REEP1: variants seen among roughly 807,000 people sequenced by gnomAD.
The protein encoded by REEP1 is receptor expression-enhancing protein 1.
In REEP1, 22 loss-of-function variants were observed where a neutral mutation model predicts 40.3. The ratio of observed to expected loss-of-function variants is 0.55; its 90% confidence interval spans 0.39 to 0.78. REEP1 has a LOEUF of 0.78. Among genes scored for constraint, REEP1 ranks in the 30% least tolerant of loss-of-function variants. The pLI is 0.00. For missense variants in REEP1, 280 were observed against 361.1 expected (o/e 0.78, Z 1.82); for synonymous variants, 116 against 139.2 (o/e 0.83, Z 1.17).
At chr2:86,244,250 T>C (rs919003517) in intron 5 of REEP1, among the ~76,000 whole-genome samples, 2 of 152,192 alleles carry the variant, frequency 1.3e-5, no homozygotes, top group Non-Finnish European at 2.9e-5. Flanking sequence ...AGCAGTATTT[T>C]ATTCAAGCCA....
intron 8 of REEP1, among the ~76,000 whole-genome samples, chr2:86,217,607 T>C (rs915423807): frequency 6.6e-6 from 1 of 150,884 alleles, no homozygotes; most frequent in Non-Finnish European, 1.5e-5. Flanking sequence ...CACCTTGAAG[T>C]ACAGGTTGAA....
In REEP1 at chr2:86,232,796, C is replaced by A. The variant is rs864622642; in HGVS notation, c.424G>T (p.Gly142Cys). ...AAVMAASKGQ[G>C]ALSERLRSFS... The stretch of plus-strand genomic sequence containing the variant: ...CTCCGCAGTCTCTCCGATAAGGCAC[C>A]CTGTCCCTGGATACAACACAGGAGG... Residue 142 changes from glycine to cysteine, a missense_variant, in exon 6 of 9, where the codon GGT (glycine) becomes TGT (cysteine). Physicochemically the swap from Gly to Cys is radical, Grantham distance 159. Transcript: ENST00000538924. 6.2e-7 allele frequency: 1 copy of A among 1,600,910 alleles called. No homozygotes were observed. Among genetic ancestry groups the A allele is most frequent in the Non-Finnish European group, 8.5e-7 (1 of 1,179,904 alleles).
chr2:86,251,972 C>T lies in REEP1; in HGVS notation c.402G>A (p.Val134=), dbSNP rs1212836101. 6.2e-7 allele frequency: 1 copy of T among 1,613,238 alleles called. No individual in the cohort carries two copies. ...AGCACAGTACCTTGGAAGCAGCCAT[C>T]ACAGCCGCTGTGGCGGCCACGTTCA... ...RGLNVAATAA[V]MAASKGQGAL... Residue 134 remains valine (V), a synonymous_variant, in exon 5 of 9, where the codon GTG becomes GTA. Coordinates refer to ENST00000538924, the MANE Select transcript of REEP1 (RefSeq NM_001371279.1).
At chr2:86,230,266 A>G (rs967601673) in intron 6 of REEP1, among the ~76,000 whole-genome samples, 2 of 152,232 alleles carry the variant, frequency 1.3e-5, no homozygotes, top group Admixed American at 6.5e-5. Context: ...AGACACTGCC[A>G]TCTCCCTGCA....
At chr2:86,262,579 G>A (rs1295170429) in intron 3 of REEP1, among the ~76,000 whole-genome samples, 1 of 152,210 alleles carries the variant, frequency 6.6e-6, no homozygotes, top group Non-Finnish European at 1.5e-5. Flanking sequence ...CTCAAAACAG[G>A]ATTCAGAGAG....
rs369945261 is a variant in REEP1 at position 86,281,531 on chromosome 2, G to A, written c.105+639C>T. Among the ~76,000 whole-genome samples, 3 of 152,282 alleles carry A rather than the reference G, an allele frequency of 2.0e-5. No individual in the cohort carries two copies. The South Asian group carries it at 6.2e-4, about 32-fold the overall frequency. ...TAATCCAAGCTACTTGGGAGGCTGAGGCTGGAGAATCTCTTGAACCCGGGA... is the reference window on the plus strand; with the variant it reads ...TAATCCAAGCTACTTGGGAGGCTGAAGCTGGAGAATCTCTTGAACCCGGGA... On this transcript the variant is annotated intron_variant, in intron 2 of 8. Coordinates refer to ENST00000538924, the MANE Select transcript of REEP1 (RefSeq NM_001371279.1).
intron 1 of REEP1, among the ~76,000 whole-genome samples, chr2:86,289,422 T>C (rs1381967816): frequency 6.6e-6 from 1 of 152,224 alleles, no homozygotes; most frequent in Non-Finnish European, 1.5e-5. Flanking sequence ...ACCATAATAT[T>C]AACAACCATG....
chr2:86,295,715 G>A (rs1001400928), intron 1 of REEP1, among the ~76,000 whole-genome samples: 5 of 151,856 alleles, frequency 3.3e-5, no homozygotes, highest in African/African-American at 4.8e-5. Context: ...AATTTTTTGT[G>A]TTTTTAGTAG....
chr2:86,292,332 C>A (rs1380935481), intron 1 of REEP1, among the ~76,000 whole-genome samples: 1 of 152,164 alleles, frequency 6.6e-6, no homozygotes, highest in Non-Finnish European at 1.5e-5. Flanking sequence ...ACTGCAAATG[C>A]CAATTCTTTT....
At chr2:86,236,231 A>G (rs1364865087) in intron 5 of REEP1, among the ~76,000 whole-genome samples, 1 of 151,642 alleles carries the variant, frequency 6.6e-6, no homozygotes. Flanking sequence ...AAAAAAAAAA[A>G]TCAACATGCC....
chr2:86,247,890 T>C (rs138440230), intron 5 of REEP1, among the ~76,000 whole-genome samples: 30 of 152,164 alleles, frequency 2.0e-4, no homozygotes, highest in African/African-American at 7.0e-4. Context: ...ATTTATATAA[T>C]AATGTGGTTT....
intron 1 of REEP1, among the ~76,000 whole-genome samples, chr2:86,323,067 G>A (rs528703107): frequency 5.3e-5 from 8 of 152,178 alleles, no homozygotes; most frequent in African/African-American, 9.6e-5. Context: ...GCACAGTGGC[G>A]TACACCTGTG....
rs1674048468 is a variant in REEP1, at chr2:86,215,302, A to G, written c.*1737T>C. 6.6e-6 allele frequency: 1 copy of G among 152,174 alleles called. No homozygotes were observed. Among genetic ancestry groups the G allele is most frequent in the South Asian group, 2.1e-4 (1 of 4,828 alleles). The allele number at this position is 152,174 out of a possible 1,614,324, so 9.4% of individuals were successfully genotyped here. ...CAAATTACAAAATCACCTTCAGAGG[A>G]ACTATGGGTAGATGGGATTCCAATA... is the stretch of plus-strand genomic sequence containing the variant. On this transcript the variant is annotated 3_prime_UTR_variant, in exon 9 of 9. Transcript: ENST00000538924.
chr2:86,233,269 T>C (rs939671857), intron 5 of REEP1, among the ~76,000 whole-genome samples: 3 of 152,246 alleles, frequency 2.0e-5, no homozygotes, highest in African/African-American at 7.2e-5. Context: ...TTCTTATTAT[T>C]TTCAAAGGAC....
intron 1 of REEP1, among the ~76,000 whole-genome samples, chr2:86,313,470 A>T (rs572540057): frequency 6.6e-6 from 1 of 151,772 alleles, no homozygotes; most frequent in South Asian, 2.1e-4. Context: ...GAAGTTTGCT[A>T]CCTAGCTAGC....
chr2:86,321,695 CA>C (rs1680275715), intron 1 of REEP1, among the ~76,000 whole-genome samples: 1 of 152,052 alleles, frequency 6.6e-6, no homozygotes, highest in African/African-American at 2.4e-5. Context: ...GACTAAAGAC[CA>C]AAAAGAAATC....
intron 5 of REEP1, 137 bp from the exon 6 acceptor site, chr2:86,232,939 A>T: frequency 2.4e-6 from 2 of 850,314 alleles, no homozygotes; most frequent in South Asian, 2.9e-5. Context: ...AGGTGCCCAG[A>T]CATAGCTGCT....
At chr2:86,263,893 CT>C in intron 3 of REEP1, 71 bp downstream of exon 3, 1 of 1,173,484 alleles carries the variant, frequency 8.5e-7, no homozygotes, top group Non-Finnish European at 1.3e-6. Flanking sequence ...GGGTTCAGCC[CT>C]TTCCCACCTC....
chr2:86,271,240 G>A (rs572197613), intron 2 of REEP1, among the ~76,000 whole-genome samples: 4 of 150,492 alleles, frequency 2.7e-5, no homozygotes, highest in African/African-American at 9.8e-5. Context: ...AAAGAACCAG[G>A]AAGCTCAGTG....
Sources: allele counts gnomAD v4.1 joint callset (sites outside exome capture counted in the v4.1 genomes callset), GRCh38; gene constraint gnomAD v4.1.1; transcripts MANE v1.5; gene names NCBI Gene and HGNC (gene_info 2026-07-23, HGNC 2026-07-21).